DACH1: variants seen among roughly 807,000 people sequenced by gnomAD.
DACH1 encodes the protein dachshund homolog 1.
DACH1 carries 12 observed loss-of-function variants against 54.2 expected under a neutral mutation model. The observed-to-expected ratio is 0.22, with a 90% CI of 0.14 to 0.36. The LOEUF (loss-of-function observed/expected upper bound fraction) is 0.36, where lower values mean the gene tolerates loss of function less well. Ranked by LOEUF, DACH1 falls within the 10% of genes least tolerant of loss-of-function variation. The pLI is 1.00. For synonymous variants in DACH1, 386 were observed against 366.2 expected (o/e 1.05, Z -0.62); for missense variants, 805 against 929.8 (o/e 0.87, Z 1.75).
intron 3 of DACH1, among the ~76,000 whole-genome samples, chr13:71,618,709 A>C (rs1386225460): frequency 6.6e-6 from 1 of 151,940 alleles, no homozygotes; most frequent in Admixed American, 6.6e-5. Flanking sequence ...ATGACTGCTC[A>C]GATTTTATTT....
chr13:71,509,778 A>C (rs1880620401), intron 6 of DACH1, among the ~76,000 whole-genome samples: 1 of 152,106 alleles, frequency 6.6e-6, no homozygotes, highest in Non-Finnish European at 1.5e-5. Flanking sequence ...GCATATAGCC[A>C]GGCTATATTA....
At chr13:71,763,818 A>T (rs796963037) in intron 1 of DACH1, among the ~76,000 whole-genome samples, 6 of 152,356 alleles carry the variant, frequency 3.9e-5, no homozygotes, top group African/African-American at 1.4e-4. Flanking sequence ...ACACTGGTCA[A>T]AATAATTAAC....
At chr13:71,687,135 A>G (rs1345593104) in intron 1 of DACH1, among the ~76,000 whole-genome samples, 1 of 152,056 alleles carries the variant, frequency 6.6e-6, no homozygotes, top group Non-Finnish European at 1.5e-5. Flanking sequence ...GAAAGTTCCA[A>G]CTCTGTGGTT....
At chr13:71,653,076 T>C (rs1013081228) in intron 2 of DACH1, among the ~76,000 whole-genome samples, 1 of 152,204 alleles carries the variant, frequency 6.6e-6, no homozygotes, top group African/African-American at 2.4e-5. Context: ...TTAAACTGTA[T>C]GAAATTGCTG....
At chr13:71,647,107 T>C (rs1878334885) in intron 2 of DACH1, among the ~76,000 whole-genome samples, 2 of 152,376 alleles carry the variant, frequency 1.3e-5, no homozygotes, top group South Asian at 4.1e-4. Context: ...ATCTGTCATT[T>C]GACACTATCA....
chr13:71,834,531 A>T (rs1383400356), intron 1 of DACH1, among the ~76,000 whole-genome samples: 1 of 152,042 alleles, frequency 6.6e-6, no homozygotes, highest in Non-Finnish European at 1.5e-5. Context: ...CTATCTATAT[A>T]AAAGAAAGTA....
chr13:71,781,025 C>A (rs1402162732), intron 1 of DACH1, among the ~76,000 whole-genome samples: 1 of 152,020 alleles, frequency 6.6e-6, no homozygotes, highest in Non-Finnish European at 1.5e-5. Flanking sequence ...AGTCCAGTTA[C>A]TTGGGAGGCT....
chr13:71,735,300 CGGGATATACGTGTATAT>C (rs1397084381), intron 1 of DACH1, among the ~76,000 whole-genome samples: 1,981 of 39,222 alleles, frequency 0.051, 442 homozygotes, highest in African/African-American at 0.11. Context: ...TACACGTATA[CGGGATATACGTGTATAT>C]GGGATATACA....
chr13:71,733,875 C>A (rs1429458001), intron 1 of DACH1, among the ~76,000 whole-genome samples: 2 of 151,742 alleles, frequency 1.3e-5, no homozygotes, highest in African/African-American at 4.8e-5. Flanking sequence ...CATGGTGAAA[C>A]CCTTCTCTAC....
chr13:71,627,955 A>G (rs1422990716), intron 3 of DACH1, among the ~76,000 whole-genome samples: 1 of 152,076 alleles, frequency 6.6e-6, no homozygotes, highest in Non-Finnish European at 1.5e-5. Context: ...AGCAAAAGCA[A>G]TCCCCAATCT....
At chr13:71,595,810 C>T (rs572477610) in intron 3 of DACH1, among the ~76,000 whole-genome samples, 85 of 152,236 alleles carry the variant, frequency 5.6e-4, no homozygotes, top group African/African-American at 1.9e-3. Flanking sequence ...CATTAGGACT[C>T]TACCCTCCTA....
intron 6 of DACH1, among the ~76,000 whole-genome samples, chr13:71,525,583 T>G (rs1327915752): frequency 6.6e-6 from 1 of 152,280 alleles, no homozygotes; most frequent in African/African-American, 2.4e-5. Flanking sequence ...ATTGAAGACA[T>G]GAGGACTACC....
intron 7 of DACH1, among the ~76,000 whole-genome samples, chr13:71,482,660 T>TA (rs1878136623): frequency 6.6e-6 from 1 of 152,174 alleles, no homozygotes; most frequent in African/African-American, 2.4e-5. Flanking sequence ...TCCAGCTACT[T>TA]AGTCTTCTTT....
intron 1 of DACH1, among the ~76,000 whole-genome samples, chr13:71,809,423 G>T (rs1468316985): frequency 6.6e-6 from 1 of 151,932 alleles, no homozygotes; most frequent in African/African-American, 2.4e-5. Context: ...CTCCCACTTC[G>T]GCCTCCCAAA....
intron 1 of DACH1, among the ~76,000 whole-genome samples, chr13:71,817,528 G>T (rs570036821): frequency 1.3e-5 from 2 of 152,146 alleles, no homozygotes; most frequent in Non-Finnish European, 2.9e-5. Flanking sequence ...CAACAATGTC[G>T]CAACAGCTAG....
At chr13:71,840,379 T>C (rs1594286951) in intron 1 of DACH1, among the ~76,000 whole-genome samples, 1 of 152,140 alleles carries the variant, frequency 6.6e-6, no homozygotes, top group Admixed American at 6.5e-5. Context: ...GGAAAAAAAA[T>C]TTCCCAGTGA....
intron 1 of DACH1, among the ~76,000 whole-genome samples, chr13:71,856,595 G>GTGTACAAGGTTTTATATTT (rs1269851251): frequency 4.8e-4 from 73 of 151,998 alleles, no homozygotes; most frequent in Admixed American, 1.8e-3. Flanking sequence ...ACCGAATACT[G>GTGTACAAGGTTTTATATTT]TGTACAAGGT....
chr13:71,753,426 A>G (rs1885008368), intron 1 of DACH1, among the ~76,000 whole-genome samples: 1 of 152,202 alleles, frequency 6.6e-6, no homozygotes, highest in South Asian at 2.1e-4. Context: ...GCACCATCAC[A>G]TGCAAAAAAA....
chr13:71,831,957 G>A (rs1888610082), intron 1 of DACH1, among the ~76,000 whole-genome samples: 1 of 151,892 alleles, frequency 6.6e-6, no homozygotes, highest in South Asian at 2.1e-4. Flanking sequence ...GTGAAACCCT[G>A]TCCACACTGC....
Sources: allele counts gnomAD v4.1 joint callset (sites outside exome capture counted in the v4.1 genomes callset), GRCh38; gene constraint gnomAD v4.1.1; transcripts MANE v1.5; gene names NCBI Gene and HGNC (gene_info 2026-07-23, HGNC 2026-07-21).